ARHGEF7: variants seen among roughly 807,000 people sequenced by gnomAD.
ARHGEF7 encodes the protein PAK-interacting exchange factor beta.
In ARHGEF7, 33 loss-of-function variants were observed where a neutral mutation model predicts 109.8. That is an observed-to-expected ratio of 0.30 (90% CI 0.23 to 0.40). ARHGEF7 has a LOEUF of 0.40. ARHGEF7 is among the 10% of genes least tolerant of loss of function. The probability of loss-of-function intolerance (pLI) is 1.00; values close to 1 mark genes in which losing one functional copy is unlikely to be tolerated. For missense variants in ARHGEF7, 938 were observed against 1,098.5 expected (o/e 0.85, Z 2.07); for synonymous variants, 458 against 424.6 (o/e 1.08, Z -0.97).
chr13:111,271,678 C>G (rs1026236619), intron 9 of ARHGEF7, among the ~76,000 whole-genome samples: 2 of 152,210 alleles, frequency 1.3e-5, no homozygotes, highest in Non-Finnish European at 2.9e-5. Flanking sequence ...CGTACACACA[C>G]TCGGAAGTAC....
Position 111,255,962 on chromosome 13 carries a change from T to C in ARHGEF7, c.951-11586T>C, listed in dbSNP as rs60475748. Among the ~76,000 whole-genome samples the C allele has an allele frequency of 0.021, 3,262 of 152,326 alleles. 119 individuals carry two copies. The highest frequency in any genetic ancestry group is 0.075 in the African/African-American group (3,109 of 41,562). ...CTTCATGAATGGTGTAATGAATTGG[T>C]ATGATATTTCATTCGTTGTCTGGAT... On this transcript the variant is annotated intron_variant, in intron 8 of 21. Transcript: ENST00000646102. This position sits in a 1 kb window ranked among gnomAD's most constrained non-coding sequence, Gnocchi z 4.1.
At chr13:111,209,019 G>A (rs970986206) in intron 3 of ARHGEF7, among the ~76,000 whole-genome samples, 3 of 152,178 alleles carry the variant, frequency 2.0e-5, no homozygotes, top group Admixed American at 6.5e-5. Context: ...GATGTTGACC[G>A]TTTAATTCAG....
chr13:111,177,574 C>T (rs1038337419), intron 2 of ARHGEF7, among the ~76,000 whole-genome samples: 5 of 152,178 alleles, frequency 3.3e-5, no homozygotes, highest in African/African-American at 9.7e-5. Context: ...TGCAGGTTCT[C>T]ACACGGTCCT....
chr13:111,298,731 A>G (rs551338364), intron 19 of ARHGEF7, among the ~76,000 whole-genome samples: 142 of 152,230 alleles, frequency 9.3e-4, no homozygotes, highest in Non-Finnish European at 1.6e-3. Flanking sequence ...GGCCCAGGGG[A>G]CGCATGTGAG....
intron 12 of ARHGEF7, among the ~76,000 whole-genome samples, chr13:111,276,559 T>G (rs976358958): frequency 1.3e-5 from 2 of 152,222 alleles, no homozygotes; most frequent in East Asian, 3.9e-4. Flanking sequence ...ATATTAGATC[T>G]ATACAGCACT....
At chr13:111,295,836 G>A (rs1240853440) in intron 19 of ARHGEF7, among the ~76,000 whole-genome samples, 3 of 152,334 alleles carry the variant, frequency 2.0e-5, no homozygotes, top group African/African-American at 7.2e-5. Flanking sequence ...CAGTTGATTA[G>A]AGATGCAGAT....
intron 2 of ARHGEF7, among the ~76,000 whole-genome samples, chr13:111,172,399 A>G (rs1207262239): frequency 6.6e-6 from 1 of 152,150 alleles, no homozygotes; most frequent in Non-Finnish European, 1.5e-5. Flanking sequence ...TCCTGGAAGT[A>G]TATATTCTCT....
intron 1 of ARHGEF7, among the ~76,000 whole-genome samples, chr13:111,133,603 G>T (rs760927736): frequency 1.1e-4 from 16 of 150,098 alleles, no homozygotes; most frequent in South Asian, 2.1e-4. Flanking sequence ...AAGTAAGATG[G>T]TTCTTCCATC....
chr13:111,182,654 TG>T (rs2078875344), intron 2 of ARHGEF7: 1 of 152,284 alleles, frequency 6.6e-6, no homozygotes, highest in Non-Finnish European at 1.5e-5. Flanking sequence ...CATCTCAGCG[TG>T]GCCGCTCTCA....
chr13:111,185,340 C>T (rs1023550254), intron 2 of ARHGEF7: 3 of 152,298 alleles, frequency 2.0e-5, no homozygotes, highest in Non-Finnish European at 4.4e-5. Flanking sequence ...GTCCTGTCCC[C>T]AGGGATCTCC....
chr13:111,286,685 A>G (rs2093034023), intron 17 of ARHGEF7, among the ~76,000 whole-genome samples: 1 of 151,612 alleles, frequency 6.6e-6, no homozygotes, highest in South Asian at 2.1e-4. Context: ...CTGCTGTTGG[A>G]CCTGTCCTGT....
chr13:111,205,071 G>A lies in ARHGEF7; in HGVS notation c.253-218G>A, dbSNP rs560090024. Among the ~76,000 whole-genome samples, 12 of 152,304 alleles carry A rather than the reference G, an allele frequency of 7.9e-5. No homozygotes were observed. In the East Asian group the frequency reaches 2.3e-3, roughly 29 times the overall value. The stretch of plus-strand genomic sequence containing the variant: ...GGGGCGGGTGTTGGGTAGGGAATTG[G>A]CCTAATGCCGAGGGGGGACCCTGCA... On this transcript the variant is annotated intron_variant, in intron 2 of 21. Coordinates refer to ENST00000646102, the MANE Select transcript of ARHGEF7 (RefSeq NM_001354046.2).
chr13:111,275,055 G>T (rs1243749144), intron 11 of ARHGEF7, among the ~76,000 whole-genome samples: 2 of 152,076 alleles, frequency 1.3e-5, no homozygotes, highest in Admixed American at 1.3e-4. Context: ...CATTCATGTT[G>T]TCTTTAATGA....
chr13:111,300,711 C>A, intron 19 of ARHGEF7, 37 bp from the exon 20 acceptor site: 2 of 1,388,498 alleles, frequency 1.4e-6, no homozygotes, highest in African/African-American at 1.5e-5. Context: ...CCATGGTATT[C>A]GCCTGAGGTT....
rs2092283799 is a variant in ARHGEF7 at position 111,273,183 on chromosome 13, C to A, written c.1074-631C>A. 6.6e-6 allele frequency among the ~76,000 whole-genome samples: 1 copy of A among 152,230 alleles called. No individual in the cohort carries two copies. Among genetic ancestry groups the A allele is most frequent in the Admixed American group, 6.5e-5 (1 of 15,290 alleles). On this transcript the variant is annotated intron_variant, in intron 9 of 21. Coordinates refer to ENST00000646102, the MANE Select transcript of ARHGEF7 (RefSeq NM_001354046.2). The surrounding 1 kb of genome is among the most constrained non-coding windows in gnomAD (Gnocchi z 4.5). ...TAAAGCGTAAATCAACATTCGCTGT[C>A]TGCACACAGGGACCCCTTTCTTCCT...
chr13:111,232,225 C>T (rs972796228), intron 5 of ARHGEF7, among the ~76,000 whole-genome samples: 4 of 152,082 alleles, frequency 2.6e-5, no homozygotes, highest in Non-Finnish European at 5.9e-5. Flanking sequence ...CCCATAAAAC[C>T]ATTGAGAGAC....
In ARHGEF7 at chr13:111,279,674, T is replaced by C. The variant is rs1291107772; in HGVS notation, c.1507-598T>C. Among the ~76,000 whole-genome samples the C allele has an allele frequency of 1.3e-5, 2 of 152,266 alleles. 1 individual carries two copies. Among genetic ancestry groups the C allele is most frequent in the East Asian group, 3.8e-4 (2 of 5,204 alleles). On this transcript the variant is annotated intron_variant, in intron 13 of 21. Coordinates refer to ENST00000646102, the MANE Select transcript of ARHGEF7 (RefSeq NM_001354046.2). ...ATCACTTTGTACCCCCTTTCTGGTA[T>C]CTTTCCATTGACATTTCCTGGTGCA...
chr13:111,134,428 A>G lies in ARHGEF7; in HGVS notation c.165+18737A>G, dbSNP rs568528207. ...CCACCAACAGTGTAAAAGTGTTCCT[A>G]TTTCTCCACATCCTCTCCAGCACCT... On this transcript the variant is annotated intron_variant, in intron 1 of 21. Coordinates refer to ENST00000646102, the MANE Select transcript of ARHGEF7 (RefSeq NM_001354046.2). Among the ~76,000 whole-genome samples the G allele has an allele frequency of 1.8e-3, 279 of 152,234 alleles. 2 individuals carry two copies. The highest frequency in any genetic ancestry group is 6.8e-3 in the Middle Eastern group (2 of 292).
intron 2 of ARHGEF7, among the ~76,000 whole-genome samples, chr13:111,164,711 C>T (rs1017779414): frequency 7.9e-5 from 12 of 152,132 alleles, no homozygotes; most frequent in Non-Finnish European, 1.8e-4. Flanking sequence ...TGTGTTAACC[C>T]GGTTTGAAAG....
Sources: gnomAD v4.1 joint callset for allele counts (sites outside exome capture counted in the v4.1 genomes callset) on GRCh38, gnomAD v4.1.1 for gene constraint, Gnocchi (gnomAD v3.1) non-coding constraint, MANE v1.5 for transcripts, NCBI Gene and HGNC (gene_info 2026-07-23, HGNC 2026-07-21) for gene names.